The following RTN4R variants were observed in gnomAD, a reference collection of about 807,000 sequenced individuals.
RTN4R encodes reticulon-4 receptor.
In RTN4R, 4 loss-of-function variants were observed where a neutral mutation model predicts 27.7. The observed-to-expected ratio is 0.14, with a 90% CI of 0.07 to 0.33. The LOEUF (loss-of-function observed/expected upper bound fraction) is 0.33, where lower values mean the gene tolerates loss of function less well. Ranked by LOEUF, RTN4R falls within the 10% of genes least tolerant of loss-of-function variation. The probability of loss-of-function intolerance (pLI) is 1.00; values close to 1 mark genes in which losing one functional copy is unlikely to be tolerated. For missense variants in RTN4R, 554 were observed against 671.5 expected (o/e 0.83, Z 1.93); for synonymous variants, 290 against 305.6 (o/e 0.95, Z 0.53).
At chr22:20,249,256 A>G (rs778364135) in intron 1 of RTN4R, 2 of 527,850 alleles carry the variant, frequency 3.8e-6, no homozygotes, top group South Asian at 2.8e-5. Context: ...CACCCTGGGG[A>G]CGCACTCTGA....
intron 1 of RTN4R, 138 bp from the exon 2 acceptor site, chr22:20,243,248 C>T (rs2051120406): frequency 1.3e-6 from 1 of 781,592 alleles, no homozygotes; most frequent in Non-Finnish European, 2.1e-6. Flanking sequence ...GCCACCACCC[C>T]CGGGAATCGC....
chr22:20,251,886 T>TCATC (rs2051182720), intron 1 of RTN4R, among the ~76,000 whole-genome samples: 1 of 26,836 alleles, frequency 3.7e-5, no homozygotes, highest in African/African-American at 1.7e-4. Context: ...TCACTATCAC[T>TCATC]ATCACCACCA....
At chr22:20,256,654 G>C (rs2051213607) in intron 1 of RTN4R, among the ~76,000 whole-genome samples, 1 of 152,162 alleles carries the variant, frequency 6.6e-6, no homozygotes, top group South Asian at 2.1e-4. Context: ...CAGCCAGCCA[G>C]CCGGTGCCTC....
At chr22:20,252,248 G>A (rs965452456) in intron 1 of RTN4R, among the ~76,000 whole-genome samples, 27 of 149,312 alleles carry the variant, frequency 1.8e-4, no homozygotes, top group African/African-American at 6.4e-4. Context: ...GCCTGGGGCT[G>A]ACCTCACACA....
At chr22:20,248,071 C>A (rs546482706) in intron 1 of RTN4R, among the ~76,000 whole-genome samples, 8 of 152,332 alleles carry the variant, frequency 5.3e-5, no homozygotes, top group South Asian at 4.1e-4. Flanking sequence ...CCAGCAAATT[C>A]TCTTGGAGGG....
chr22:20,260,434 A>C, intron 1 of RTN4R, among the ~76,000 whole-genome samples: 1 of 152,024 alleles, frequency 6.6e-6, no homozygotes, highest in Non-Finnish European at 1.5e-5. Flanking sequence ...TCCACAAAGG[A>C]GGGGGCACCA....
intron 1 of RTN4R, chr22:20,267,638 A>C (rs1436690491): frequency 2.1e-6 from 1 of 467,444 alleles, no homozygotes; most frequent in African/African-American, 2.0e-5. Context: ...CTGAGCCCAG[A>C]CCGTGAGGCT....
chr22:20,250,114 C>T (rs1361041893), intron 1 of RTN4R, among the ~76,000 whole-genome samples: 1 of 152,224 alleles, frequency 6.6e-6, no homozygotes, highest in African/African-American at 2.4e-5. Flanking sequence ...AGAGGATCCT[C>T]CTCAGCCTGG....
chr22:20,251,011 G>C (rs1285430590), intron 1 of RTN4R, among the ~76,000 whole-genome samples: 3 of 152,214 alleles, frequency 2.0e-5, no homozygotes, highest in Admixed American at 6.5e-5. Context: ...GTTTTGAAGA[G>C]GGCAGCCGTT....
intron 1 of RTN4R, among the ~76,000 whole-genome samples, chr22:20,264,302 G>A (rs917947708): frequency 2.6e-5 from 4 of 152,244 alleles, no homozygotes; most frequent in African/African-American, 7.2e-5. Context: ...AATAGTTCCC[G>A]ATGTGCAAAA....
At chr22:20,257,918 C>T (rs2051220957) in intron 1 of RTN4R, among the ~76,000 whole-genome samples, 3 of 152,134 alleles carry the variant, frequency 2.0e-5, no homozygotes, top group Non-Finnish European at 2.9e-5. Flanking sequence ...GGGCTTGGGG[C>T]CCTGGCTCTG....
intron 1 of RTN4R, among the ~76,000 whole-genome samples, chr22:20,260,854 G>A (rs1229546228): frequency 6.6e-6 from 1 of 152,146 alleles, no homozygotes; most frequent in East Asian, 1.9e-4. Context: ...AGCTCCTGCT[G>A]GAACCCAAAC....
At chr22:20,257,034 G>A (rs2051215866) in intron 1 of RTN4R, among the ~76,000 whole-genome samples, 1 of 152,208 alleles carries the variant, frequency 6.6e-6, no homozygotes, top group African/African-American at 2.4e-5. Context: ...AGGGGCTGGT[G>A]ACCCGCATAC....
chr22:20,251,958 T>TCA (rs2051184702), intron 1 of RTN4R, among the ~76,000 whole-genome samples: 1 of 5,838 alleles, frequency 1.7e-4, no homozygotes, highest in Non-Finnish European at 3.5e-4. Context: ...AGCACCATCC[T>TCA]TATCCTCATC....
intron 1 of RTN4R, among the ~76,000 whole-genome samples, chr22:20,257,237 A>T (rs2051217288): frequency 6.6e-6 from 1 of 152,234 alleles, no homozygotes; most frequent in Non-Finnish European, 1.5e-5. Context: ...CCCAGTGCCA[A>T]GGGCACGGTC....
rs367658710 is a variant in RTN4R at position 20,265,108 on chromosome 22, T to C, written c.22+2963A>G. On this transcript the variant is annotated intron_variant, in intron 1 of 1. Coordinates refer to ENST00000043402, the MANE Select transcript of RTN4R (RefSeq NM_023004.6). ...CCTCTGCCTCCCGCCCGTCCTGTCC[T>C]CACCAGCTGGACCCTCCTGGTGTTG... 2.4e-4 allele frequency among the ~76,000 whole-genome samples: 36 copies of C among 152,316 alleles called. No individual in the cohort carries two copies. In the East Asian group the frequency reaches 6.6e-3, roughly 28 times the overall value.
At chr22:20,267,160 T>C (rs1248326887) in intron 1 of RTN4R, among the ~76,000 whole-genome samples, 1 of 152,258 alleles carries the variant, frequency 6.6e-6, no homozygotes, top group East Asian at 1.9e-4. Flanking sequence ...ACCCAGTGTT[T>C]GTGCATGTGC....
At chr22:20,260,379 G>A (rs996015177) in intron 1 of RTN4R, among the ~76,000 whole-genome samples, 3 of 152,190 alleles carry the variant, frequency 2.0e-5, no homozygotes, top group African/African-American at 7.2e-5. Flanking sequence ...CAGGAGGGAA[G>A]CGGAGACTCA....
intron 1 of RTN4R, among the ~76,000 whole-genome samples, chr22:20,258,052 C>T (rs1602648660): frequency 6.6e-6 from 1 of 152,226 alleles, no homozygotes; most frequent in South Asian, 2.1e-4. Context: ...CTGGCCTCTC[C>T]CTGGAGGACC....
Sources: allele counts gnomAD v4.1 joint callset (sites outside exome capture counted in the v4.1 genomes callset), GRCh38; gene constraint gnomAD v4.1.1; transcripts MANE v1.5; gene names NCBI Gene and HGNC (gene_info 2026-07-23, HGNC 2026-07-21).